The following SAXO1 variants were observed in gnomAD, a reference collection of about 807,000 sequenced individuals.
The protein encoded by SAXO1 is stabilizer of axonemal microtubules 1.
SAXO1 carries 21 observed loss-of-function variants against 17.5 expected under a neutral mutation model. That is an observed-to-expected ratio of 1.20 (90% CI 0.85 to 1.72). The LOEUF (loss-of-function observed/expected upper bound fraction) is 1.72. Among genes scored for constraint, SAXO1 ranks in the 40% most tolerant of loss-of-function variants. SAXO1 has a pLI of 0.00. For synonymous variants in SAXO1, 274 were observed against 216.5 expected, an observed-to-expected ratio of 1.27 and a Z score of -2.33; for missense variants, 843 against 596.0, an observed-to-expected ratio of 1.41 and a Z score of -4.32.
chr9:18,984,326 G>A (rs556542855), intron 1 of SAXO1, among the ~76,000 whole-genome samples: 19 of 152,328 alleles, frequency 1.2e-4, no homozygotes, highest in Non-Finnish European at 2.4e-4. Flanking sequence ...CCTAACAAGA[G>A]TGTCAGCCTG....
At chr9:19,027,324 C>T in intron 1 of SAXO1, 1 of 799,444 alleles carries the variant, frequency 1.3e-6, no homozygotes, top group African/African-American at 1.7e-5. Context: ...CTATCCAATC[C>T]TGGAGACACT....
chr9:19,011,026 T>C lies in SAXO1; in HGVS notation c.38+21845A>G, dbSNP rs1375416735. Among the ~76,000 whole-genome samples, 4 of 152,336 alleles carry C rather than the reference T, an allele frequency of 2.6e-5. No individual in the cohort carries two copies. In the East Asian group the frequency reaches 7.7e-4, roughly 29 times the overall value. On this transcript the variant is annotated intron_variant, in intron 1 of 3. Transcript: ENST00000380534. ...TTCACATCTGTCTAACTCCAGAGTC[T>C]CTAACCTCTTCACTACACTACAGTA...
At chr9:18,929,346 G>A (rs1830934445) in intron 3 of SAXO1, among the ~76,000 whole-genome samples, 1 of 152,188 alleles carries the variant, frequency 6.6e-6, no homozygotes, top group Non-Finnish European at 1.5e-5. Context: ...ATCCATTCCT[G>A]CAGAAAAGTT....
At chr9:19,038,805 G>A (rs561351431) in intron 1 of SAXO1, among the ~76,000 whole-genome samples, 32 of 151,968 alleles carry the variant, frequency 2.1e-4, no homozygotes, top group Admixed American at 3.3e-4. Flanking sequence ...CAGCCCTTGT[G>A]AGGGAGCAGG....
intron 1 of SAXO1, among the ~76,000 whole-genome samples, chr9:18,995,474 C>T (rs909149961): frequency 3.9e-5 from 6 of 152,160 alleles, no homozygotes; most frequent in Non-Finnish European, 4.4e-5. Flanking sequence ...TTTGTGATTC[C>T]AAGCCCTGCT....
At chr9:18,946,279 C>CA (rs56858815) in intron 2 of SAXO1, among the ~76,000 whole-genome samples, 812 of 34,390 alleles carry the variant, frequency 0.024, 110 homozygotes, top group East Asian at 0.04. Context: ...TTCATCTCAC[C>CA]AAAAAAAAAA....
At position 19,047,887 on chromosome 9, in the gene SAXO1, A is replaced by G. The variant is rs374159824; in HGVS notation, c.-158+1322T>C. Among the ~76,000 whole-genome samples the G allele has an allele frequency of 7.2e-5, 11 of 152,304 alleles. No individual in the cohort carries two copies. In the South Asian group the frequency reaches 1.0e-3, roughly 14 times the overall value. On this transcript the variant is annotated intron_variant, in intron 1 of 3. Coordinates refer to the SAXO1 transcript ENST00000542071. Reference sequence around the variant, plus strand: ...GTGAAATCAGGAAAAAGAATACCCAACTCGAAAGAACGGGGAAGGGAAACC... The same window carrying G: ...GTGAAATCAGGAAAAAGAATACCCAGCTCGAAAGAACGGGGAAGGGAAACC...
chr9:19,011,819 C>T (rs938957649), intron 1 of SAXO1, among the ~76,000 whole-genome samples: 3 of 150,814 alleles, frequency 2.0e-5, no homozygotes, highest in Non-Finnish European at 3.0e-5. Context: ...TCTTACTAAA[C>T]CATTTCAATT....
intron 1 of SAXO1, among the ~76,000 whole-genome samples, chr9:19,022,936 T>C (rs1024029249): frequency 6.6e-6 from 1 of 152,182 alleles, no homozygotes; most frequent in African/African-American, 2.4e-5. Context: ...TTTTGAAGAC[T>C]TGCAAAGTTC....
intron 1 of SAXO1, among the ~76,000 whole-genome samples, chr9:19,011,705 TAAC>T (rs542930306): frequency 5.1e-4 from 77 of 152,328 alleles, no homozygotes; most frequent in African/African-American, 1.7e-3. Context: ...TTACCAGTTT[TAAC>T]AACCAAATCC....
chr9:18,956,614 T>C (rs1365410489), intron 1 of SAXO1, among the ~76,000 whole-genome samples: 1 of 152,158 alleles, frequency 6.6e-6, no homozygotes, highest in Non-Finnish European at 1.5e-5. Flanking sequence ...TGACTACTTG[T>C]GTAACATTGA....
At chr9:18,953,978 T>C (rs1249185978) in intron 1 of SAXO1, among the ~76,000 whole-genome samples, 1 of 152,200 alleles carries the variant, frequency 6.6e-6, no homozygotes. Flanking sequence ...AAAGTAAGCT[T>C]GGCAGCCATG....
At chr9:19,025,210 C>G (rs61045011) in intron 1 of SAXO1, among the ~76,000 whole-genome samples, 1,788 of 152,078 alleles carry the variant, frequency 0.012, 38 homozygotes, top group African/African-American at 0.04. Flanking sequence ...CTTGGCATCT[C>G]TATCTGGATT....
At chr9:18,962,932 G>A (rs767542819) in intron 1 of SAXO1, among the ~76,000 whole-genome samples, 64 of 152,112 alleles carry the variant, frequency 4.2e-4, no homozygotes, top group African/African-American at 1.9e-4. Context: ...ATGGTTTTAC[G>A]TCTTACGCTT....
intron 1 of SAXO1, among the ~76,000 whole-genome samples, chr9:18,974,255 G>A (rs561557924): frequency 1.3e-5 from 2 of 152,214 alleles, no homozygotes; most frequent in Non-Finnish European, 2.9e-5. Context: ...AAAGACCTCT[G>A]GAGTGTTGGA....
intron 1 of SAXO1, among the ~76,000 whole-genome samples, chr9:19,007,584 C>T (rs139558432): frequency 1.3e-5 from 2 of 152,296 alleles, no homozygotes; most frequent in Non-Finnish European, 2.9e-5. Context: ...TAACCAACTT[C>T]TGTTTAGAAC....
chr9:19,029,717 G>A (rs1025665529), intron 1 of SAXO1, among the ~76,000 whole-genome samples: 3 of 152,208 alleles, frequency 2.0e-5, no homozygotes, highest in African/African-American at 7.2e-5. Context: ...CTATACTCGA[G>A]TAGCTACTGA....
intron 1 of SAXO1, among the ~76,000 whole-genome samples, chr9:19,047,224 C>T (rs1836238485): frequency 6.6e-6 from 1 of 151,900 alleles, no homozygotes; most frequent in South Asian, 2.1e-4. Flanking sequence ...CTTAGCCAGG[C>T]ATGGTGGTGG....
chr9:18,982,833 T>C (rs1420266360), intron 1 of SAXO1, among the ~76,000 whole-genome samples: 1 of 152,230 alleles, frequency 6.6e-6, no homozygotes, highest in Non-Finnish European at 1.5e-5. Context: ...CCTGTGATCA[T>C]TTATGGAGAT....
Sources: gnomAD v4.1 joint callset for allele counts (sites outside exome capture counted in the v4.1 genomes callset) on GRCh38, gnomAD v4.1.1 for gene constraint, MANE v1.5 for transcripts, NCBI Gene and HGNC (gene_info 2026-07-23, HGNC 2026-07-21) for gene names.